The following CFAP77 variants were observed in gnomAD, a reference collection of about 807,000 sequenced individuals.
CFAP77 encodes cilia- and flagella-associated protein 77.
In CFAP77, 25 loss-of-function variants were observed where a neutral mutation model predicts 31.1. That is an observed-to-expected ratio of 0.80 (90% CI 0.59 to 1.12). The LOEUF (loss-of-function observed/expected upper bound fraction) is 1.12. CFAP77 is among the 50% of genes most tolerant of loss of function. CFAP77 has a pLI of 0.00. For missense variants in CFAP77, 377 were observed against 397.3 expected (o/e 0.95, Z 0.44); for synonymous variants, 151 against 159.9 (o/e 0.94, Z 0.42).
At chr9:132,433,933 T>TA (rs1233049285) in intron 1 of CFAP77, among the ~76,000 whole-genome samples, 1 of 149,070 alleles carries the variant, frequency 6.7e-6, no homozygotes, top group East Asian at 2.0e-4. Context: ...GTCCAGGAGT[T>TA]AGAGACCAGC....
At chr9:132,420,979 T>C (rs1850205222) in intron 1 of CFAP77, among the ~76,000 whole-genome samples, 2 of 147,980 alleles carry the variant, frequency 1.4e-5, no homozygotes, top group South Asian at 2.1e-4. Flanking sequence ...AAAGCTCTCA[T>C]AGGCTGATGG....
chr9:132,521,872 C>T (rs1441259891), intron 3 of CFAP77, among the ~76,000 whole-genome samples: 4 of 143,936 alleles, frequency 2.8e-5, no homozygotes, highest in Non-Finnish European at 6.0e-5. Flanking sequence ...GTTCAAGCGA[C>T]TCCCCTGCCT....
chr9:132,529,874 T>G (rs113729574), intron 3 of CFAP77, among the ~76,000 whole-genome samples: 2,281 of 151,536 alleles, frequency 0.015, 53 homozygotes, highest in African/African-American at 0.053. Flanking sequence ...TGCCAAACAG[T>G]TTTCCGGAGT....
At chr9:132,559,578 G>A (rs996191332) in intron 5 of CFAP77, among the ~76,000 whole-genome samples, 6 of 152,138 alleles carry the variant, frequency 3.9e-5, no homozygotes, top group South Asian at 2.1e-4. Flanking sequence ...ATACGTGCTG[G>A]TGGGAATCAA....
chr9:132,524,390 C>G (rs926857952), intron 3 of CFAP77, among the ~76,000 whole-genome samples: 1 of 151,482 alleles, frequency 6.6e-6, no homozygotes, highest in Admixed American at 6.6e-5. Context: ...CACTTGAGGT[C>G]AGGAGTTTGG....
At position 132,437,503 on chromosome 9, in the gene CFAP77, A is replaced by ATTTTT. The variant is rs763301010; in HGVS notation, c.195+27057_195+27061dup. ...TCAAGAGGGGCGGGACCACTTTTGC[A>ATTTTT]TTTTTTTTTTTTTTTTTTTTTTTTG... On this transcript the variant is annotated intron_variant, in intron 1 of 5. Transcript: ENST00000393216. 2.4e-4 allele frequency among the ~76,000 whole-genome samples: 22 copies of ATTTTT among 90,468 alleles called. 1 individual carries two copies. The highest frequency in any genetic ancestry group is 4.6e-4 in the African/African-American group (10 of 21,830). 59.4% of individuals were successfully genotyped at this position (90,468 alleles called of 152,430 possible).
intron 1 of CFAP77, among the ~76,000 whole-genome samples, chr9:132,486,014 A>ATG (rs1309689884): frequency 4.6e-4 from 7 of 15,122 alleles, no homozygotes; most frequent in African/African-American, 1.3e-3. Context: ...ATATATATAT[A>ATG]TATATATATA....
At position 132,497,153 on chromosome 9, in the gene CFAP77, G is replaced by T. The variant is rs751457737; in HGVS notation, c.196-1542G>T. ...TGTCTATCTCAACAGGGGGTGCTGTGGGGGAGCCTGGGAGGCAAAGCTGCA... is the reference window on the plus strand; with the variant it reads ...TGTCTATCTCAACAGGGGGTGCTGTTGGGGAGCCTGGGAGGCAAAGCTGCA... On this transcript the variant is annotated intron_variant, in intron 1 of 5. Coordinates refer to ENST00000393216, the MANE Select transcript of CFAP77 (RefSeq NM_001282957.2). The surrounding 1 kb of genome is among the most constrained non-coding windows in gnomAD (Gnocchi z 4.9). 2.0e-4 allele frequency among the ~76,000 whole-genome samples: 31 copies of T among 152,222 alleles called. No individual in the cohort carries two copies. Among genetic ancestry groups the T allele is most frequent in the Non-Finnish European group, 3.7e-4 (25 of 68,004 alleles).
intron 5 of CFAP77, among the ~76,000 whole-genome samples, chr9:132,546,100 A>G (rs1852723974): frequency 6.6e-6 from 1 of 152,214 alleles, no homozygotes; most frequent in Non-Finnish European, 1.5e-5. Flanking sequence ...CATCTGTGGA[A>G]TGAATGAATG....
chr9:132,559,856 G>A (rs1589926270), intron 5 of CFAP77, among the ~76,000 whole-genome samples: 1 of 152,336 alleles, frequency 6.6e-6, no homozygotes, highest in East Asian at 1.9e-4. Flanking sequence ...AAGGAATGAA[G>A]CGGTCCTCTG....
chr9:132,516,850 C>T (rs1237475379), intron 3 of CFAP77, among the ~76,000 whole-genome samples: 1 of 152,064 alleles, frequency 6.6e-6, no homozygotes. Context: ...TACCCACGGG[C>T]AATGTTATAA....
Position 132,554,290 on chromosome 9 carries a change from C to T in CFAP77, c.732+11243C>T, listed in dbSNP as rs970043079. 1.3e-5 allele frequency among the ~76,000 whole-genome samples: 2 copies of T among 152,108 alleles called. No individual in the cohort carries two copies. The highest frequency in any genetic ancestry group is 2.9e-5 in the Non-Finnish European group (2 of 68,026). On this transcript the variant is annotated intron_variant, in intron 5 of 5. Transcript: ENST00000393216. The surrounding 1 kb of genome is among the most constrained non-coding windows in gnomAD (Gnocchi z 4.1). ...GGTTAGAATCTGTTTAAACCAGGGGCCTGAGAGTTGCTACACTTTTCTTCA... is the reference window on the plus strand; with the variant it reads ...GGTTAGAATCTGTTTAAACCAGGGGTCTGAGAGTTGCTACACTTTTCTTCA...
chr9:132,461,584 T>C (rs997192396), intron 1 of CFAP77, among the ~76,000 whole-genome samples: 5 of 152,190 alleles, frequency 3.3e-5, no homozygotes, highest in Non-Finnish European at 7.3e-5. Context: ...CATGTCTTCA[T>C]GATCATTCAG....
chr9:132,524,505 C>T (rs1202994494), intron 3 of CFAP77, among the ~76,000 whole-genome samples: 3 of 151,568 alleles, frequency 2.0e-5, no homozygotes, highest in African/African-American at 7.3e-5. Flanking sequence ...CTCAGCTACT[C>T]AGGAGGCTGA....
At chr9:132,451,162 C>T (rs1324787658) in intron 1 of CFAP77, among the ~76,000 whole-genome samples, 1 of 151,964 alleles carries the variant, frequency 6.6e-6, no homozygotes, top group Admixed American at 6.6e-5. Flanking sequence ...CATGGTGAAA[C>T]CCCGTCTCTA....
chr9:132,482,187 C>CTT, intron 1 of CFAP77: 54 of 497,712 alleles, frequency 1.1e-4, no homozygotes, highest in Middle Eastern at 3.9e-4. Context: ...TTCTTTCTTT[C>CTT]TTTTTTTTTT....
intron 5 of CFAP77, among the ~76,000 whole-genome samples, chr9:132,569,713 G>A (rs1829930300): frequency 6.8e-6 from 1 of 146,504 alleles, no homozygotes; most frequent in South Asian, 2.2e-4. Context: ...GTCTTCCTAA[G>A]TGTCTCTAGC....
chr9:132,452,808 A>T (rs1050305439), intron 1 of CFAP77, among the ~76,000 whole-genome samples: 2 of 152,198 alleles, frequency 1.3e-5, no homozygotes, highest in African/African-American at 4.8e-5. Flanking sequence ...AACAGCCTGG[A>T]GACCCACTGA....
At chr9:132,449,788 G>T (rs1759556) in intron 1 of CFAP77, among the ~76,000 whole-genome samples, 67,446 of 151,750 alleles carry the variant, frequency 0.44, 16,860 homozygotes, top group African/African-American at 0.68. Context: ...CATTCCACGT[G>T]GCTACCAGCA....
Sources: allele counts gnomAD v4.1 joint callset (sites outside exome capture counted in the v4.1 genomes callset), GRCh38; gene constraint gnomAD v4.1.1; non-coding constraint Gnocchi (gnomAD v3.1); transcripts MANE v1.5; gene names NCBI Gene and HGNC (gene_info 2026-07-23, HGNC 2026-07-21).